Variants in SLC9C2 observed in about 807,000 individuals in gnomAD.
SLC9C2 encodes the protein sodium/hydrogen exchanger 11.
A neutral mutation model predicts 140.2 loss-of-function variants in SLC9C2; 75 were observed. That is an observed-to-expected ratio of 0.53 (90% CI 0.44 to 0.65). The LOEUF (loss-of-function observed/expected upper bound fraction) is 0.65, where lower values mean the gene tolerates loss of function less well. Ranked by LOEUF, SLC9C2 falls within the 30% of genes least tolerant of loss-of-function variation. SLC9C2 has a pLI of 0.00. For synonymous variants in SLC9C2, 375 were observed against 420.9 expected (o/e 0.89, Z 1.34); for missense variants, 1,074 against 1,331.8 (o/e 0.81, Z 3.01).
intron 24 of SLC9C2, among the ~76,000 whole-genome samples, chr1:173,507,373 A>G (rs1200861232): frequency 6.6e-6 from 1 of 152,230 alleles, no homozygotes; most frequent in Non-Finnish European, 1.5e-5. Context: ...ACTTACAAGT[A>G]AGCTTATGTT....
intron 4 of SLC9C2, among the ~76,000 whole-genome samples, chr1:173,594,784 G>C (rs1405048860): frequency 3.3e-5 from 5 of 152,142 alleles, no homozygotes; most frequent in Admixed American, 3.3e-4. Flanking sequence ...TAAAATTTAA[G>C]ATTTTTAAAA....
intron 23 of SLC9C2, among the ~76,000 whole-genome samples, chr1:173,514,876 G>A (rs1323486784): frequency 6.6e-6 from 1 of 152,120 alleles, no homozygotes. Flanking sequence ...GCATTTGCTT[G>A]TCTGGAAAGA....
intron 23 of SLC9C2, among the ~76,000 whole-genome samples, chr1:173,515,417 G>A (rs573571415): frequency 3.4e-4 from 52 of 152,148 alleles, no homozygotes; most frequent in African/African-American, 1.2e-3. Flanking sequence ...ATGGTCTTCA[G>A]ACTCTGATAT....
Position 173,583,574 on chromosome 1 carries a change from A to G in SLC9C2, c.572T>C (p.Ile191Thr), listed in dbSNP as rs758533880. ...IDLIRGESLI[I>T]CSIASIFFGN... ...AAAAAAAATTGATGCGATGCTACAAATGATCAATGATTCTCCTCTAATGAG... is the reference window on the plus strand; with the variant it reads ...AAAAAAAATTGATGCGATGCTACAAGTGATCAATGATTCTCCTCTAATGAG... The change falls in exon 6 of 28, where the codon ATT (isoleucine) becomes ACT (threonine). Residue 191 changes from isoleucine to threonine, a missense_variant. Transcript: ENST00000367714. 25 of 1,610,346 alleles carry G rather than the reference A, an allele frequency of 1.6e-5. No individual in the cohort carries two copies. The highest frequency in any genetic ancestry group is 8.4e-5 in the Admixed American group (5 of 59,638).
At chr1:173,531,940 C>A (rs1547155) in intron 17 of SLC9C2, among the ~76,000 whole-genome samples, 1 of 151,990 alleles carries the variant, frequency 6.6e-6, no homozygotes, top group Admixed American at 6.6e-5. Flanking sequence ...ATTTCTAGGA[C>A]AGTTTACATG....
At position 173,554,831 on chromosome 1, in the gene SLC9C2, T is replaced by C; in HGVS notation, c.1216-17A>G. 1 of 1,461,870 alleles carries C rather than the reference T, an allele frequency of 6.8e-7. No individual in the cohort carries two copies. The highest frequency in any genetic ancestry group is 9.5e-7 in the Non-Finnish European group (1 of 1,051,064). The allele number at this position is 1,461,870 out of a possible 1,614,324, so 90.6% of individuals were successfully genotyped here. ...GAGTATAAACTAAAAACAAAGCACA[T>C]AAATAGTTAGAACCAAAACATTAAA... is the stretch of plus-strand genomic sequence containing the variant. On this transcript the variant is annotated splice_polypyrimidine_tract_variant and intron_variant, in intron 10 of 27. Transcript: ENST00000367714.
chr1:173,601,976 T>G, intron 1 of SLC9C2, 121 bp from the exon 2 acceptor site: 1 of 603,970 alleles, frequency 1.7e-6, no homozygotes, highest in Non-Finnish European at 2.9e-6. Context: ...GGGCACACAT[T>G]AATACCTCTT....
intron 11 of SLC9C2, among the ~76,000 whole-genome samples, chr1:173,553,203 T>A (rs1245392266): frequency 1.3e-5 from 2 of 152,228 alleles, no homozygotes; most frequent in Non-Finnish European, 2.9e-5. Flanking sequence ...GAGGAGTTGC[T>A]TCTTACAGAT....
intron 11 of SLC9C2, among the ~76,000 whole-genome samples, chr1:173,550,451 TA>T (rs201547863): frequency 9.7e-5 from 14 of 143,874 alleles, no homozygotes; most frequent in African/African-American, 3.7e-4. Context: ...TTTATTTATT[TA>T]TTTTTGAGGA....
At chr1:173,503,406 T>C in intron 26 of SLC9C2, 80 bp from the exon 27 acceptor site, 1 of 1,289,424 alleles carries the variant, frequency 7.8e-7, no homozygotes, top group Non-Finnish European at 1.1e-6. Context: ...TTTTGAAATA[T>C]CTATTTGCTT....
intron 11 of SLC9C2, among the ~76,000 whole-genome samples, chr1:173,549,751 C>T (rs1445156477): frequency 6.6e-6 from 1 of 152,054 alleles, no homozygotes; most frequent in Non-Finnish European, 1.5e-5. Flanking sequence ...AAAGTACTTG[C>T]TATACAATCT....
chr1:173,545,381 T>C (rs373569271), intron 13 of SLC9C2, among the ~76,000 whole-genome samples: 13 of 152,184 alleles, frequency 8.5e-5, no homozygotes, highest in East Asian at 7.7e-4. Flanking sequence ...GCTACAAGCA[T>C]GGATTATTTC....
At chr1:173,532,743 G>A (rs1386381349) in intron 17 of SLC9C2, among the ~76,000 whole-genome samples, 2 of 152,062 alleles carry the variant, frequency 1.3e-5, no homozygotes, top group African/African-American at 4.8e-5. Flanking sequence ...TGGAGGCAGA[G>A]GTTACATCAA....
chr1:173,575,299 T>C (rs1463060036), intron 8 of SLC9C2, among the ~76,000 whole-genome samples: 1 of 152,064 alleles, frequency 6.6e-6, no homozygotes, highest in African/African-American at 2.4e-5. Flanking sequence ...AGACCTAAGA[T>C]GCAACATCCA....
In SLC9C2 at chr1:173,500,998, T is replaced by G; in HGVS notation, c.*96A>C. On this transcript the variant is annotated 3_prime_UTR_variant, in exon 28 of 28. Transcript: ENST00000367714. ...AAGTAAACTCCTTGCAGATAATCCTTTAGTATTTGAGCGAGGAAAGTAGTT... is the reference window on the plus strand; with the variant it reads ...AAGTAAACTCCTTGCAGATAATCCTGTAGTATTTGAGCGAGGAAAGTAGTT... 7.6e-7 allele frequency: 1 copy of G among 1,318,920 alleles called. No homozygotes were observed. Among genetic ancestry groups the G allele is most frequent in the Non-Finnish European group, 9.9e-7 (1 of 1,010,256 alleles). 81.7% of individuals were successfully genotyped at this position (1,318,920 alleles called of 1,614,324 possible). A position where few individuals can be genotyped will look rare whatever the true frequency, so the allele number is the denominator to read the frequency against.
chr1:173,549,198 A>T (rs6425248), intron 11 of SLC9C2, among the ~76,000 whole-genome samples: 54,751 of 152,108 alleles, frequency 0.36, 12,464 homozygotes, highest in East Asian at 0.64. Context: ...TCTCTCCTTA[A>T]AATTGCATAT....
chr1:173,528,109 G>A (rs764856742), intron 18 of SLC9C2, among the ~76,000 whole-genome samples: 5 of 152,026 alleles, frequency 3.3e-5, no homozygotes, highest in Non-Finnish European at 7.4e-5. Context: ...AAAGCGCATG[G>A]GACCTGACTC....
intron 23 of SLC9C2, among the ~76,000 whole-genome samples, chr1:173,512,451 C>T (rs1660120509): frequency 6.6e-6 from 1 of 151,962 alleles, no homozygotes; most frequent in Non-Finnish European, 1.5e-5. Context: ...TGGCTCTCTG[C>T]TTGTCTGTTG....
At chr1:173,505,382 C>A (rs762241570) in intron 25 of SLC9C2, 51 bp from the exon 26 acceptor site, 90 of 1,368,692 alleles carry the variant, frequency 6.6e-5, no homozygotes, top group Non-Finnish European at 9.0e-5. Context: ...TGATCTCTAA[C>A]CTGGCTGCTT....
Sources: gnomAD v4.1 joint callset for allele counts (sites outside exome capture counted in the v4.1 genomes callset) on GRCh38, gnomAD v4.1.1 for gene constraint, MANE v1.5 for transcripts, NCBI Gene and HGNC (gene_info 2026-07-23, HGNC 2026-07-21) for gene names.